KLF12: variants seen among roughly 807,000 people sequenced by gnomAD.
The protein encoded by KLF12 is Krueppel-like factor 12.
A neutral mutation model predicts 37.8 loss-of-function variants in KLF12; 9 were observed. The ratio of observed to expected loss-of-function variants is 0.24; its 90% CI spans 0.14 to 0.42. KLF12 has a LOEUF of 0.42. Ranked by LOEUF, KLF12 falls within the 10% of genes least tolerant of loss-of-function variation. The probability of loss-of-function intolerance (pLI) is 1.00; values close to 1 mark genes in which losing one functional copy is unlikely to be tolerated. For synonymous variants in KLF12, 208 were observed against 202.1 expected (o/e 1.03, Z -0.25); for missense variants, 411 against 516.0 (o/e 0.80, Z 1.97).
chr13:73,686,199 T>C lies in KLF12; in HGVS notation c.*9291A>G, dbSNP rs575524741. On this transcript the variant is annotated 3_prime_UTR_variant, in exon 8 of 8. Transcript: ENST00000377669. ...CTATTTCAGTTCACAGCTCAATTCA[T>C]AGGAAAGTTGAATACAGAAAAGCAA... 1 of 152,662 alleles carries C rather than the reference T, an allele frequency of 6.6e-6. No individual in the cohort carries two copies. Among genetic ancestry groups the C allele is most frequent in the South Asian group, 2.1e-4 (1 of 4,820 alleles). The allele number at this position is 152,662 out of a possible 1,614,324, so 9.5% of individuals were successfully genotyped here.
chr13:74,243,968 T>C, the KLF12 span, among the ~76,000 whole-genome samples: 503 of 152,340 alleles, frequency 3.3e-3, 3 homozygotes, highest in African/African-American at 0.011. Context: ...AATGAACATA[T>C]GTTGGGGTTA....
At chr13:74,090,924 C>A (rs1875614183) in intron 1 of KLF12, among the ~76,000 whole-genome samples, 1 of 145,368 alleles carries the variant, frequency 6.9e-6, no homozygotes, top group Admixed American at 6.8e-5. Context: ...ATAGCCAAAA[C>A]TACCTTGAAA....
intron 1 of KLF12, among the ~76,000 whole-genome samples, chr13:74,073,082 C>T (rs529387910): frequency 6.6e-6 from 1 of 152,170 alleles, no homozygotes; most frequent in Admixed American, 6.5e-5. Flanking sequence ...CCTGCTGCCA[C>T]GTTAAGACGT....
chr13:73,862,585 G>A (rs920074557), intron 3 of KLF12, among the ~76,000 whole-genome samples: 1 of 151,704 alleles, frequency 6.6e-6, no homozygotes, highest in South Asian at 2.1e-4. Flanking sequence ...CTTATTTTGT[G>A]CAATTTTAAG....
At position 74,089,033 on chromosome 13, in the gene KLF12, T is replaced by C. The variant is rs549187716; in HGVS notation, c.-32+44706A>G. ...ACAATTCTGCTATCTCTGTGACAAT[T>C]ATTTCTAGAATTCTGATGCGTAATT... On this transcript the variant is annotated intron_variant, in intron 1 of 7. Transcript: ENST00000377669. Among the ~76,000 whole-genome samples the C allele has an allele frequency of 3.2e-4, 49 of 152,312 alleles. No homozygotes were observed. The South Asian group carries it at 6.2e-3, about 19-fold the overall frequency.
the KLF12 span, among the ~76,000 whole-genome samples, chr13:74,287,411 C>A: frequency 8.3e-5 from 10 of 119,804 alleles, no homozygotes; most frequent in Non-Finnish European, 1.6e-4. Context: ...CCTCTATCCA[C>A]CCCCAACCCC....
chr13:73,947,825 C>T (rs1890497417), intron 2 of KLF12, among the ~76,000 whole-genome samples: 1 of 152,026 alleles, frequency 6.6e-6, no homozygotes, highest in Non-Finnish European at 1.5e-5. Flanking sequence ...TAAAAACATA[C>T]AATGGGGTGA....
intron 1 of KLF12, among the ~76,000 whole-genome samples, chr13:74,058,027 C>A (rs1377251511): frequency 1.3e-5 from 2 of 150,826 alleles, no homozygotes; most frequent in African/African-American, 4.9e-5. Context: ...AGTGCAGTGG[C>A]ATGATCTCGG....
chr13:74,144,242 A>G, the KLF12 span, among the ~76,000 whole-genome samples: 2 of 152,194 alleles, frequency 1.3e-5, no homozygotes, highest in African/African-American at 2.4e-5. Context: ...CAAAACTACA[A>G]TTACAAGGAT....
chr13:74,285,323 G>A, the KLF12 span, among the ~76,000 whole-genome samples: 25 of 152,212 alleles, frequency 1.6e-4, no homozygotes, highest in South Asian at 8.3e-4. Context: ...AATAGCTGGC[G>A]TTAAAACAAT....
At chr13:74,151,215 T>C in the KLF12 span, among the ~76,000 whole-genome samples, 1 of 152,124 alleles carries the variant, frequency 6.6e-6, no homozygotes, top group African/African-American at 2.4e-5. Context: ...GAATGCTAGG[T>C]CTTGAGATAG....
At chr13:73,792,347 C>A (rs559323578) in intron 5 of KLF12, among the ~76,000 whole-genome samples, 1 of 152,068 alleles carries the variant, frequency 6.6e-6, no homozygotes, top group Non-Finnish European at 1.5e-5. Flanking sequence ...ATGAAGCCAA[C>A]ATAAAAAAAG....
At chr13:74,058,847 C>T (rs1873412564) in intron 1 of KLF12, among the ~76,000 whole-genome samples, 1 of 152,130 alleles carries the variant, frequency 6.6e-6, no homozygotes, top group South Asian at 2.1e-4. Context: ...AGGACTGTTA[C>T]ACGGATATAT....
At chr13:74,105,752 A>G (rs1876618413) in intron 1 of KLF12, among the ~76,000 whole-genome samples, 2 of 152,198 alleles carry the variant, frequency 1.3e-5, no homozygotes, top group Non-Finnish European at 2.9e-5. Flanking sequence ...GCTTGTTCAA[A>G]TAATTCAACA....
intron 3 of KLF12, among the ~76,000 whole-genome samples, chr13:73,895,135 A>G (rs977124332): frequency 6.6e-6 from 1 of 152,210 alleles, no homozygotes; most frequent in Non-Finnish European, 1.5e-5. Context: ...CACCCCCTGT[A>G]GATTCATCAT....
the KLF12 span, among the ~76,000 whole-genome samples, chr13:74,199,836 G>A: frequency 1.1e-3 from 168 of 152,104 alleles, no homozygotes; most frequent in Non-Finnish European, 1.8e-3. Flanking sequence ...ACAACAGGTC[G>A]TGGTGATCTG....
At chr13:74,134,652 G>A (rs1328680495), upstream of KLF12, among the ~76,000 whole-genome samples, 4 of 151,950 alleles carry the variant, frequency 2.6e-5, no homozygotes, top group South Asian at 2.1e-4. Flanking sequence ...GGGAGCTCGG[G>A]GAGTCGTCGG....
At chr13:73,904,422 A>G (rs573398773) in intron 3 of KLF12, among the ~76,000 whole-genome samples, 1 of 141,932 alleles carries the variant, frequency 7.0e-6, no homozygotes, top group Non-Finnish European at 1.5e-5. Context: ...TTATTTACCT[A>G]CTTCACTAAG....
At chr13:73,936,882 C>T (rs1350746036) in intron 3 of KLF12, among the ~76,000 whole-genome samples, 2 of 152,132 alleles carry the variant, frequency 1.3e-5, no homozygotes, top group African/African-American at 2.4e-5. Flanking sequence ...AGAAGCAAAA[C>T]TCCTCTAAAG....
Sources: allele counts gnomAD v4.1 joint callset (sites outside exome capture counted in the v4.1 genomes callset), GRCh38; gene constraint gnomAD v4.1.1; transcripts MANE v1.5; gene names NCBI Gene and HGNC (gene_info 2026-07-23, HGNC 2026-07-21).